SIPA1L3: variants seen among roughly 807,000 people sequenced by gnomAD.
SIPA1L3 encodes signal induced proliferation associated 1 like 3.
In SIPA1L3, 59 loss-of-function variants were observed where a neutral mutation model predicts 150.1. That is an observed-to-expected ratio of 0.39 (90% CI 0.32 to 0.49). The LOEUF is 0.49. SIPA1L3 is among the 20% of genes least tolerant of loss of function. The pLI is 0.86. For missense variants in SIPA1L3, 2,211 were observed against 2,489.5 expected (o/e 0.89, Z 2.38); for synonymous variants, 1,070 against 1,077.6 (o/e 0.99, Z 0.14).
intron 1 of SIPA1L3, among the ~76,000 whole-genome samples, chr19:38,001,832 A>AT (rs201365557): frequency 4.6e-4 from 70 of 151,970 alleles, no homozygotes; most frequent in Non-Finnish European, 8.1e-4. Flanking sequence ...TACATAACAA[A>AT]TTTTTTTTAT....
At chr19:38,070,657 G>C (rs896240514) in intron 2 of SIPA1L3, among the ~76,000 whole-genome samples, 1 of 152,198 alleles carries the variant, frequency 6.6e-6, no homozygotes, top group Non-Finnish European at 1.5e-5. Context: ...GAACTTTTTT[G>C]AGGGATTTAT....
At chr19:37,940,083 AGTCAGTTACTTAGTGC>A (rs1182972092) in intron 1 of SIPA1L3, among the ~76,000 whole-genome samples, 1 of 152,170 alleles carries the variant, frequency 6.6e-6, no homozygotes, top group African/African-American at 2.4e-5. Flanking sequence ...ATAGTAAGCA[AGTCAGTTACTTAGTGC>A]GTCAGAGATA....
intron 21 of SIPA1L3, among the ~76,000 whole-genome samples, chr19:38,205,222 A>G (rs1394410454): frequency 2.0e-5 from 3 of 152,082 alleles, no homozygotes; most frequent in African/African-American, 7.2e-5. Flanking sequence ...TAATCCCAGC[A>G]CTTTGGGAGG....
At chr19:38,074,155 C>G (rs1395093265) in intron 2 of SIPA1L3, among the ~76,000 whole-genome samples, 2 of 152,118 alleles carry the variant, frequency 1.3e-5, no homozygotes, top group Non-Finnish European at 2.9e-5. Flanking sequence ...CAGTGTGCAC[C>G]CTCTGAGTCC....
At chr19:38,043,368 A>G (rs1725516) in intron 2 of SIPA1L3, among the ~76,000 whole-genome samples, 61,610 of 151,658 alleles carry the variant, frequency 0.41, 14,182 homozygotes, top group African/African-American at 0.63. Flanking sequence ...GATGGAAAGA[A>G]AGAGAAAGAA....
chr19:37,965,941 G>A (rs768304070), intron 1 of SIPA1L3, among the ~76,000 whole-genome samples: 3 of 152,032 alleles, frequency 2.0e-5, no homozygotes, highest in Non-Finnish European at 4.4e-5. Context: ...CTTTGTGTGC[G>A]GTGGGCACTT....
intron 1 of SIPA1L3, among the ~76,000 whole-genome samples, chr19:38,015,391 T>G (rs954745366): frequency 1.4e-4 from 21 of 152,194 alleles, no homozygotes; most frequent in Admixed American, 1.2e-3. Flanking sequence ...GTCATTGTTC[T>G]GCATACCTAG....
chr19:37,916,730 CG>C (rs1209040621), intron 1 of SIPA1L3, among the ~76,000 whole-genome samples: 1 of 151,994 alleles, frequency 6.6e-6, no homozygotes. Flanking sequence ...GAGGCTGACG[CG>C]GGTGGATCAC....
Position 38,047,361 on chromosome 19 carries a change from C to CTA in SIPA1L3, c.-311+18208_-311+18209dup, listed in dbSNP as rs1969085114. 1.3e-5 allele frequency among the ~76,000 whole-genome samples: 2 copies of CTA among 152,260 alleles called. No homozygotes were observed. Among genetic ancestry groups the CTA allele is most frequent in the South Asian group, 4.1e-4 (2 of 4,822 alleles). On this transcript the variant is annotated intron_variant, in intron 2 of 21. Transcript: ENST00000222345. This position sits in a 1 kb window ranked among gnomAD's most constrained non-coding sequence, Gnocchi z 4.7. The stretch of plus-strand genomic sequence containing the variant: ...GGCTTGTGTATTGCCTGTCTACACC[C>CTA]TATAGTATAGCCTGTGAGCTCCTGT...
chr19:37,930,025 A>ATTT (rs34993739), intron 1 of SIPA1L3, among the ~76,000 whole-genome samples: 7 of 131,758 alleles, frequency 5.3e-5, no homozygotes, highest in African/African-American at 8.8e-5. Context: ...TGCCTGGCAA[A>ATTT]TTTTTTTTTT....
At chr19:38,006,987 C>G (rs1328566053) in intron 1 of SIPA1L3, among the ~76,000 whole-genome samples, 1 of 152,192 alleles carries the variant, frequency 6.6e-6, no homozygotes, top group Non-Finnish European at 1.5e-5. Context: ...GAGTAAGGCC[C>G]TGATAAGAGG....
chr19:38,013,226 A>G (rs1968148349), intron 1 of SIPA1L3, among the ~76,000 whole-genome samples: 2 of 152,216 alleles, frequency 1.3e-5, no homozygotes, highest in South Asian at 4.1e-4. Context: ...CAAGGGCTGT[A>G]GAATAGGTGT....
intron 13 of SIPA1L3, among the ~76,000 whole-genome samples, chr19:38,155,203 G>C (rs1211462431): frequency 6.6e-6 from 1 of 151,990 alleles, no homozygotes; most frequent in Non-Finnish European, 1.5e-5. Context: ...GTGGGCAGGT[G>C]GTGCTACCAC....
intron 1 of SIPA1L3, among the ~76,000 whole-genome samples, chr19:37,973,553 A>G (rs1426501282): frequency 2.5e-4 from 20 of 80,414 alleles, no homozygotes; most frequent in East Asian, 2.1e-3. Context: ...AAAAAAAAAA[A>G]AGCGGGAGGG....
chr19:38,175,583 C>T (rs1052661495), intron 15 of SIPA1L3, among the ~76,000 whole-genome samples: 3 of 152,164 alleles, frequency 2.0e-5, no homozygotes, highest in African/African-American at 4.8e-5. Flanking sequence ...CTGCCCCTCC[C>T]CCGCTACCAC....
At chr19:38,044,378 G>A (rs188650274) in intron 2 of SIPA1L3, among the ~76,000 whole-genome samples, 110 of 152,304 alleles carry the variant, frequency 7.2e-4, no homozygotes, top group African/African-American at 2.4e-3. Flanking sequence ...GAGGAGAGCC[G>A]TGTGGATGGG....
chr19:38,197,006 T>C (rs73627686), intron 18 of SIPA1L3, among the ~76,000 whole-genome samples: 23,648 of 152,178 alleles, frequency 0.16, 2,065 homozygotes, highest in African/African-American at 0.24. Flanking sequence ...AAGCACGTAG[T>C]GTATACCTCA....
intron 1 of SIPA1L3, among the ~76,000 whole-genome samples, chr19:37,935,408 G>T (rs1001355133): frequency 1.3e-5 from 2 of 152,180 alleles, no homozygotes; most frequent in Non-Finnish European, 2.9e-5. Flanking sequence ...CTATGCTTGT[G>T]TTCAGGAAAC....
intron 2 of SIPA1L3, among the ~76,000 whole-genome samples, chr19:38,037,342 C>T (rs767327417): frequency 6.6e-6 from 1 of 152,126 alleles, no homozygotes; most frequent in Non-Finnish European, 1.5e-5. Context: ...CCAGTGGGGG[C>T]GAGGAATGGG....
Sources: gnomAD v4.1 joint callset for allele counts (sites outside exome capture counted in the v4.1 genomes callset) on GRCh38, gnomAD v4.1.1 for gene constraint, Gnocchi (gnomAD v3.1) non-coding constraint, MANE v1.5 for transcripts, NCBI Gene and HGNC (gene_info 2026-07-23, HGNC 2026-07-21) for gene names.